The following OCM variants were observed in gnomAD, a reference collection of about 807,000 sequenced individuals.
OCM encodes the protein oncomodulin-1.
A neutral mutation model predicts 14.1 loss-of-function variants in OCM; 18 were observed. The ratio of observed to expected loss-of-function variants is 1.28; its 90% CI spans 0.88 to 1.89. OCM has a LOEUF of 1.89. Among genes scored for constraint, OCM ranks in the 40% most tolerant of loss-of-function variants. The pLI, the probability that OCM is intolerant of heterozygous loss-of-function variation, is 0.00. For synonymous variants in OCM, 48 were observed against 51.0 expected (o/e 0.94, Z 0.25); for missense variants, 140 against 137.6 (o/e 1.02, Z -0.09).
the OCM span, among the ~76,000 whole-genome samples, chr7:5,862,423 A>G: frequency 6.6e-6 from 1 of 151,966 alleles, no homozygotes; most frequent in African/African-American, 2.4e-5. Context: ...TAATTCTTTC[A>G]GGATACATCT....
intron 2 of OCM, among the ~76,000 whole-genome samples, chr7:5,882,886 A>C (rs1225142952): frequency 7.2e-6 from 1 of 138,816 alleles, no homozygotes; most frequent in African/African-American, 2.7e-5. Flanking sequence ...TCTGTTGCCC[A>C]GGCTGGAGTG....
In OCM at chr7:5,880,822, C is replaced by T. The variant is rs1309386292; in HGVS notation, c.-68C>T. The T allele has an allele frequency of 2.6e-5, 38 of 1,461,172 alleles. No individual in the cohort carries two copies. The highest frequency in any genetic ancestry group is 2.0e-5 in the Non-Finnish European group (21 of 1,043,196). The allele number at this position is 1,461,172 out of a possible 1,614,324, so 90.5% of individuals were successfully genotyped here. On this transcript the variant is annotated 5_prime_UTR_variant, in exon 1 of 4. Coordinates refer to ENST00000242104, the MANE Select transcript of OCM (RefSeq NM_001097622.2). ...TCAGTGGGCCTGGGAAGATGTGTTT[C>T]CCCTGGATGTGCACATTCCTGTTTG...
At chr7:5,866,572 C>G in the OCM span, among the ~76,000 whole-genome samples, 1 of 152,026 alleles carries the variant, frequency 6.6e-6, no homozygotes, top group Non-Finnish European at 1.5e-5. Flanking sequence ...GTGAAAATTT[C>G]GTTGACTTAT....
chr7:5,875,709 A>T (rs1465586003), upstream of OCM, among the ~76,000 whole-genome samples: 1 of 152,174 alleles, frequency 6.6e-6, no homozygotes, highest in Admixed American at 6.6e-5. Flanking sequence ...GCAGATTTTT[A>T]AAAAATGTTT....
the OCM span, among the ~76,000 whole-genome samples, chr7:5,868,766 A>C: frequency 6.6e-6 from 1 of 152,154 alleles, no homozygotes; most frequent in Non-Finnish European, 1.5e-5. Context: ...ACCAGTACTC[A>C]TGCTACTGAG....
At chr7:5,870,598 A>G in the OCM span, among the ~76,000 whole-genome samples, 38,243 of 152,172 alleles carry the variant, frequency 0.25, 4,946 homozygotes, top group Middle Eastern at 0.38. Flanking sequence ...AGGCTGGTAC[A>G]TTCTGGCCAT....
At chr7:5,870,997 C>T in the OCM span, among the ~76,000 whole-genome samples, 70 of 152,092 alleles carry the variant, frequency 4.6e-4, no homozygotes, top group African/African-American at 1.6e-3. Context: ...AGTGATTCTC[C>T]CGCCTCAGCC....
At chr7:5,873,022 C>A in the OCM span, among the ~76,000 whole-genome samples, 1 of 151,994 alleles carries the variant, frequency 6.6e-6, no homozygotes. Context: ...GAACCACAAT[C>A]GCATCATTGC....
the OCM span, among the ~76,000 whole-genome samples, chr7:5,862,373 C>T: frequency 1.3e-5 from 2 of 152,032 alleles, no homozygotes; most frequent in Admixed American, 1.3e-4. Flanking sequence ...ACGTATCTTC[C>T]CAGATGGCTC....
intron 3 of OCM, 47 bp from the exon 4 acceptor site, chr7:5,886,017 G>C (rs766957581): frequency 4.0e-5 from 64 of 1,613,742 alleles, no homozygotes; most frequent in Non-Finnish European, 5.2e-5. Flanking sequence ...CGTCTGTAAA[G>C]AACCAAGCCA....
At chr7:5,861,839 A>G in the OCM span, among the ~76,000 whole-genome samples, 1 of 151,860 alleles carries the variant, frequency 6.6e-6, no homozygotes, top group Non-Finnish European at 1.5e-5. Context: ...TCGGCCTCCC[A>G]AAGCATTGAA....
upstream of OCM, among the ~76,000 whole-genome samples, chr7:5,878,857 T>A (rs1583169836): frequency 3.3e-5 from 3 of 90,676 alleles, no homozygotes; most frequent in South Asian, 3.6e-4. Context: ...AAAGGCTCAA[T>A]AAATGTTTGC....
At chr7:5,870,268 G>A in the OCM span, among the ~76,000 whole-genome samples, 5 of 151,786 alleles carry the variant, frequency 3.3e-5, no homozygotes, top group Non-Finnish European at 7.4e-5. Context: ...GTACCACCCC[G>A]CCTGGCTAAT....
At chr7:5,871,327 C>T in the OCM span, among the ~76,000 whole-genome samples, 1 of 151,066 alleles carries the variant, frequency 6.6e-6, no homozygotes, top group African/African-American at 2.4e-5. Context: ...AGCACTCAAG[C>T]CTGGGTGACA....
the OCM span, among the ~76,000 whole-genome samples, chr7:5,862,682 G>A: frequency 2.0e-5 from 3 of 151,150 alleles, no homozygotes; most frequent in Non-Finnish European, 2.9e-5. Context: ...CTCTTTTCAC[G>A]TTTATCTTAT....
At chr7:5,860,042 G>A in the OCM span, among the ~76,000 whole-genome samples, 1,095 of 137,762 alleles carry the variant, frequency 7.9e-3, 20 homozygotes, top group East Asian at 0.084. Flanking sequence ...GGGGATGTCT[G>A]CCCAATACAA....
At chr7:5,860,152 G>T in the OCM span, among the ~76,000 whole-genome samples, 6 of 151,740 alleles carry the variant, frequency 4.0e-5, no homozygotes, top group Admixed American at 1.3e-4. Flanking sequence ...TCATTATGTG[G>T]GGTTTAGTTG....
chr7:5,885,912 T>C, intron 3 of OCM, 152 bp from the exon 4 acceptor site: 1 of 640,826 alleles, frequency 1.6e-6, no homozygotes, highest in Non-Finnish European at 2.8e-6. Flanking sequence ...CCCGGCCAGT[T>C]TTTCTTTCTT....
the OCM span, among the ~76,000 whole-genome samples, chr7:5,870,560 G>A: frequency 6.6e-6 from 1 of 152,184 alleles, no homozygotes; most frequent in Non-Finnish European, 1.5e-5. Flanking sequence ...GGAAAAGCAG[G>A]GAACCAGAGA....
Sources: allele counts gnomAD v4.1 joint callset (sites outside exome capture counted in the v4.1 genomes callset), GRCh38; gene constraint gnomAD v4.1.1; transcripts MANE v1.5; gene names NCBI Gene and HGNC (gene_info 2026-07-23, HGNC 2026-07-21).